ANO5: variants seen among roughly 807,000 people sequenced by gnomAD.
ANO5 encodes anoctamin-5.
A neutral mutation model predicts 121.0 loss-of-function variants in ANO5; 109 were observed. That is an observed-to-expected ratio of 0.90 (90% CI 0.77 to 1.06). ANO5 has a LOEUF of 1.06. Among genes scored for constraint, ANO5 ranks in the 50% least tolerant of loss-of-function variants. The pLI is 0.00. For missense variants in ANO5, 1,064 were observed against 1,078.5 expected, an observed-to-expected ratio of 0.99 and a Z score of 0.19; for synonymous variants, 406 against 359.9, an observed-to-expected ratio of 1.13 and a Z score of -1.45.
intron 19 of ANO5, among the ~76,000 whole-genome samples, chr11:22,273,857 T>A (rs1349235347): frequency 6.6e-6 from 1 of 152,084 alleles, no homozygotes; most frequent in African/African-American, 2.4e-5. Flanking sequence ...ACCACTTTTT[T>A]AGAAAGCAAA....
Position 22,282,643 on chromosome 11 carries a change from A to T in ANO5, c.*2878A>T, listed in dbSNP as rs1266820650. On this transcript the variant is annotated 3_prime_UTR_variant, in exon 22 of 22. Transcript: ENST00000324559. ...GTGGTTGATAAGAGGTATATCTCTT[A>T]AAAAAGACACCTAATGAAAGTGAGA... The T allele has an allele frequency of 6.6e-6, 1 of 152,142 alleles. No homozygotes were observed. Among genetic ancestry groups the T allele is most frequent in the African/African-American group, 2.4e-5 (1 of 41,450 alleles). 9.4% of individuals were successfully genotyped at this position (152,142 alleles called of 1,614,324 possible).
intron 3 of ANO5, among the ~76,000 whole-genome samples, chr11:22,213,774 CTTTT>C (rs1250962144): frequency 4.6e-5 from 7 of 151,904 alleles, no homozygotes; most frequent in Admixed American, 2.0e-4. Flanking sequence ...TTCTTCCTTT[CTTTT>C]TGTCAGTGTG....
chr11:22,230,781 G>A (rs1490072034), intron 7 of ANO5, among the ~76,000 whole-genome samples: 1 of 151,870 alleles, frequency 6.6e-6, no homozygotes. Context: ...TCAGCAAGAA[G>A]CCTAGGATTT....
intron 1 of ANO5, among the ~76,000 whole-genome samples, chr11:22,196,077 T>G (rs1327611626): frequency 6.6e-6 from 1 of 152,232 alleles, no homozygotes; most frequent in Non-Finnish European, 1.5e-5. Flanking sequence ...CCTGTGTTCT[T>G]ATTAGGTATC....
chr11:22,279,648 T>A lies in ANO5; in HGVS notation c.2625T>A (p.Ile875=). ...GAGAAAAGTTAATGACTATCAAGAT[T>A]CTCCATGATTTTGAGCTCAACAAAT... The part of the protein sequence containing the change: ...IKREKLMTIK[I]LHDFELNKLK... Residue 875 remains isoleucine (I), a synonymous_variant, in exon 22 of 22, where the codon ATT becomes ATA. Coordinates refer to ENST00000324559, the MANE Select transcript of ANO5 (RefSeq NM_213599.3). The A allele has an allele frequency of 6.2e-7, 1 of 1,612,732 alleles. No homozygotes were observed. Among genetic ancestry groups the A allele is most frequent in the Non-Finnish European group, 8.5e-7 (1 of 1,179,016 alleles).
intron 14 of ANO5, 140 bp downstream of exon 14, chr11:22,257,894 A>C: frequency 1.4e-6 from 1 of 715,468 alleles, no homozygotes; most frequent in African/African-American, 1.8e-5. Flanking sequence ...TATAGCTCTT[A>C]TACAAAATAA....
intron 2 of ANO5, 85 bp from the exon 3 acceptor site, chr11:22,211,179 C>G (rs1392060800): frequency 1.4e-6 from 2 of 1,379,962 alleles, no homozygotes; most frequent in South Asian, 1.2e-5. Context: ...ATAGAGATTA[C>G]AGAGTTGTTA....
chr11:22,208,161 G>C (rs1852175670), intron 2 of ANO5, among the ~76,000 whole-genome samples: 1 of 151,922 alleles, frequency 6.6e-6, no homozygotes, highest in African/African-American at 2.4e-5. Context: ...ATGTAAGTTG[G>C]GTAATCATAC....
At chr11:22,204,179 CTTA>C (rs1427024171) in intron 2 of ANO5, among the ~76,000 whole-genome samples, 1 of 151,950 alleles carries the variant, frequency 6.6e-6, no homozygotes, top group Non-Finnish European at 1.5e-5. Context: ...TCTGTGATAG[CTTA>C]TTATTTTACA....
At chr11:22,224,295 T>G (rs1378700599) in intron 5 of ANO5, among the ~76,000 whole-genome samples, 1 of 152,018 alleles carries the variant, frequency 6.6e-6, no homozygotes, top group Non-Finnish European at 1.5e-5. Context: ...ATTTTTCCAG[T>G]CCACATTTCT....
chr11:22,257,070 G>A (rs987181996), intron 13 of ANO5, among the ~76,000 whole-genome samples: 1 of 45,620 alleles, frequency 2.2e-5, no homozygotes, highest in African/African-American at 2.2e-4. Flanking sequence ...TCTGCTGACA[G>A]CGTTTTTTTT....
At position 22,207,496 on chromosome 11, in the gene ANO5, A is replaced by G. The variant is rs1009863581; in HGVS notation, c.87+3646A>G. ...ATAGGCAAACTTATGAACTTAACCT[A>G]ATTTTATAACTTATACAAAATTAAT... On this transcript the variant is annotated intron_variant, in intron 2 of 21. Transcript: ENST00000324559. 3.9e-5 allele frequency among the ~76,000 whole-genome samples: 6 copies of G among 152,248 alleles called. No homozygotes were observed. In the East Asian group the frequency reaches 1.2e-3, roughly 29 times the overall value.
At position 22,262,112 on chromosome 11, in the gene ANO5, T is replaced by G. The variant is rs751115004; in HGVS notation, c.1631-17T>G. 6.2e-7 allele frequency: 1 copy of G among 1,612,810 alleles called. No homozygotes were observed. Among genetic ancestry groups the G allele is most frequent in the East Asian group, 2.2e-5 (1 of 44,834 alleles). On this transcript the variant is annotated splice_polypyrimidine_tract_variant and intron_variant, in intron 15 of 21. Transcript: ENST00000324559. ...AAAATAAGAAGATGCACTAAACATTTTTTTTTAACTTAACAGAAATTCCTC... is the reference window on the plus strand; with the variant it reads ...AAAATAAGAAGATGCACTAAACATTGTTTTTTAACTTAACAGAAATTCCTC...
chr11:22,218,124 C>T (rs1465904352), intron 3 of ANO5, 122 bp from the exon 4 acceptor site: 21 of 970,910 alleles, frequency 2.2e-5, no homozygotes, highest in Non-Finnish European at 3.3e-5. Flanking sequence ...ATCACACACA[C>T]ACACACACAC....
chr11:22,207,634 A>C (rs1450422880), intron 2 of ANO5, among the ~76,000 whole-genome samples: 1 of 152,106 alleles, frequency 6.6e-6, no homozygotes, highest in Non-Finnish European at 1.5e-5. Context: ...TAGTTATGTC[A>C]TATCTGCAAA....
chr11:22,270,559 G>A (rs1344198887), intron 18 of ANO5, 117 bp downstream of exon 18: 2 of 1,468,132 alleles, frequency 1.4e-6, no homozygotes, highest in South Asian at 2.4e-5. Flanking sequence ...TTGACTGGTT[G>A]GCAAAAAAGA....
intron 1 of ANO5, 76 bp downstream of exon 1, chr11:22,193,608 C>A: frequency 1.3e-6 from 2 of 1,543,986 alleles, no homozygotes; most frequent in South Asian, 1.2e-5. Flanking sequence ...CGCAGAGGCC[C>A]CGGGGGACGT....
chr11:22,227,306 C>G lies in ANO5; in HGVS notation c.368C>G (p.Ser123Trp). 1 of 1,612,644 alleles carries G rather than the reference C, an allele frequency of 6.2e-7. No homozygotes were observed. The highest frequency in any genetic ancestry group is 8.5e-7 in the Non-Finnish European group (1 of 1,179,502). ...LELEIEDKRDSEDGRTYFVKI... is the reference protein window; with the variant it reads ...LELEIEDKRDWEDGRTYFVKI... ...TTTGCCTTTTTTTTAATGCAGGACT[C>G]GGAAGATGGAAGAACTTATTTTGTC... The change falls in exon 7 of 22, where the codon TCG becomes TGG. Residue 123 changes from serine to tryptophan, a missense_variant. Coordinates refer to ENST00000324559, the MANE Select transcript of ANO5 (RefSeq NM_213599.3).
At chr11:22,198,106 A>G (rs906320695) in intron 1 of ANO5, among the ~76,000 whole-genome samples, 2 of 152,200 alleles carry the variant, frequency 1.3e-5, no homozygotes, top group African/African-American at 2.4e-5. Context: ...GAGAGGGAGC[A>G]TGGTGTGTGT....
Sources: gnomAD v4.1 joint callset for allele counts (sites outside exome capture counted in the v4.1 genomes callset) on GRCh38, gnomAD v4.1.1 for gene constraint, MANE v1.5 for transcripts, NCBI Gene and HGNC (gene_info 2026-07-23, HGNC 2026-07-21) for gene names.